The following SIX1 variants were observed in gnomAD, a reference collection of about 807,000 sequenced individuals.
SIX1 encodes the protein homeobox protein SIX1.
Under a neutral mutation model 26.5 loss-of-function variants are expected in SIX1, and 11 were observed. The ratio of observed to expected loss-of-function variants is 0.41; its 90% CI spans 0.26 to 0.69. SIX1 has a LOEUF of 0.69. Ranked by LOEUF, SIX1 falls within the 30% of genes least tolerant of loss-of-function variation. The pLI is 0.28. For missense variants in SIX1, 333 were observed against 365.9 expected (o/e 0.91, Z 0.73); for synonymous variants, 177 against 166.2 (o/e 1.06, Z -0.50).
rs886050572 is a variant in SIX1, at chr14:60,649,273, G to C, written c.-84C>G. 48 of 1,298,790 alleles carry C rather than the reference G, an allele frequency of 3.7e-5. No individual in the cohort carries two copies. The highest frequency in any genetic ancestry group is 1.0e-4 in the African/African-American group (7 of 68,718). The allele number at this position is 1,298,790 out of a possible 1,614,324, so 80.5% of individuals were successfully genotyped here. ...GGCAGGGGGCGGCGGCCGCAGGGAG[G>C]GGGGCGCGGCTGTTCCTAACCTCCT... On this transcript the variant is annotated 5_prime_UTR_variant, in exon 1 of 2. Transcript: ENST00000645694. The surrounding 1 kb of genome is among the most constrained non-coding windows in gnomAD (Gnocchi z 5.1).
In SIX1 at chr14:60,647,560, T is replaced by C. The variant is rs1447881019; in HGVS notation, c.561-983A>G. Among the ~76,000 whole-genome samples the C allele has an allele frequency of 1.3e-5, 2 of 152,136 alleles. No homozygotes were observed. The highest frequency in any genetic ancestry group is 2.9e-5 in the Non-Finnish European group (2 of 68,016). On this transcript the variant is annotated intron_variant, in intron 1 of 1. Coordinates refer to ENST00000645694, the MANE Select transcript of SIX1 (RefSeq NM_005982.4). The surrounding 1 kb of genome is among the most constrained non-coding windows in gnomAD (Gnocchi z 5.1). ...CCTTTCTTTCCCCTTATCCTCACAG[T>C]CTCTGTCTCCCGACAAGCCCATTTC...
At position 60,649,436 on chromosome 14, in the gene SIX1, C is replaced by T. The variant is rs987267843; in HGVS notation, c.-247G>A. 4.6e-6 allele frequency: 2 copies of T among 438,096 alleles called. No individual in the cohort carries two copies. Among genetic ancestry groups the T allele is most frequent in the Admixed American group, 4.1e-5 (1 of 24,682 alleles). The allele number at this position is 438,096 out of a possible 1,614,324, so 27.1% of individuals were successfully genotyped here. A position where few individuals can be genotyped will look rare whatever the true frequency, so the allele number is the denominator to read the frequency against. On this transcript the variant is annotated 5_prime_UTR_variant, in exon 1 of 2. Coordinates refer to ENST00000645694, the MANE Select transcript of SIX1 (RefSeq NM_005982.4). The surrounding 1 kb of genome is among the most constrained non-coding windows in gnomAD (Gnocchi z 5.1). ...GTAGCCTTTAAGGCCTTGCTGCCTC[C>T]GACCTCCCGCCCGGTGGATGCTGCT...
In SIX1 at chr14:60,648,064, T is replaced by C. The variant is rs117387493; in HGVS notation, c.560+566A>G. 5.7e-3 allele frequency among the ~76,000 whole-genome samples: 867 copies of C among 152,322 alleles called. 7 individuals are homozygous for C. Among genetic ancestry groups the C allele is most frequent in the South Asian group, 0.023 (109 of 4,828 alleles). On this transcript the variant is annotated intron_variant, in intron 1 of 1. Transcript: ENST00000645694. This position sits in a 1 kb window ranked among gnomAD's most constrained non-coding sequence, Gnocchi z 7.9. ...CCAACTCTCCCCAAAGCTCTCTTTT[T>C]GTTGTATCTTTAAAAGTCTCCTCCA...
chr14:60,649,455 T>C lies in SIX1; in HGVS notation c.-266A>G. The C allele has an allele frequency of 4.9e-6, 2 of 408,760 alleles. No homozygotes were observed. Among genetic ancestry groups the C allele is most frequent in the Non-Finnish European group, 8.7e-6 (2 of 229,410 alleles). 25.3% of individuals were successfully genotyped at this position (408,760 alleles called of 1,614,324 possible). On this transcript the variant is annotated 5_prime_UTR_variant, in exon 1 of 2. Coordinates refer to ENST00000645694, the MANE Select transcript of SIX1 (RefSeq NM_005982.4). This position sits in a 1 kb window ranked among gnomAD's most constrained non-coding sequence, Gnocchi z 5.1. ...TGCCTCCGACCTCCCGCCCGGTGGA[T>C]GCTGCTAGTTGCCGGGGAACTTGGT...
In SIX1 at chr14:60,646,149, C is replaced by T; in HGVS notation, c.*134G>A. On this transcript the variant is annotated 3_prime_UTR_variant, in exon 2 of 2. Transcript: ENST00000645694. The stretch of plus-strand genomic sequence containing the variant: ...TTTTTAAAAAGATATTTGTGAAAGT[C>T]CACCATTCCTTTATGCGCAAACAAC... 1.2e-5 allele frequency: 9 copies of T among 764,292 alleles called. No homozygotes were observed. The highest frequency in any genetic ancestry group is 1.9e-5 in the Non-Finnish European group (9 of 485,456). The allele number at this position is 764,292 out of a possible 1,614,324, so 47.3% of individuals were successfully genotyped here.
rs571997198 is a variant in SIX1, at chr14:60,646,448, C to G, written c.690G>C (p.Ser230=). 8.7e-6 allele frequency: 14 copies of G among 1,613,916 alleles called. 1 individual carries two copies. The Admixed American group carries it at 2.2e-4, about 25-fold the overall frequency. Residue 230 remains serine (S), a synonymous_variant, in exon 2 of 2, where the codon TCG becomes TCC. Coordinates refer to ENST00000645694, the MANE Select transcript of SIX1 (RefSeq NM_005982.4). ...FSPPQSPDQN[S]VLLLQGNMGH... ...CCATATTGCCCTGCAGCAGAAGGAC[C>G]GAGTTCTGGTCTGGACTTTGGGGAG...
At position 60,649,351 on chromosome 14, in the gene SIX1, CAAGG is replaced by C; in HGVS notation, c.-166_-163del. 1 of 634,422 alleles carries C rather than the reference CAAGG, an allele frequency of 1.6e-6. No individual in the cohort carries two copies. The highest frequency in any genetic ancestry group is 2.7e-6 in the Non-Finnish European group (1 of 367,434). 39.3% of individuals were successfully genotyped at this position (634,422 alleles called of 1,614,324 possible). On this transcript the variant is annotated 5_prime_UTR_variant, in exon 1 of 2. Transcript: ENST00000645694. The surrounding 1 kb of genome is among the most constrained non-coding windows in gnomAD (Gnocchi z 5.1). ...GAGTCGGAACTTGGCGGTGGGCGGC[CAAGG>C]AAGAGAAGGCGGAGGAGTAGGGGAG...
rs918862160 is a variant in SIX1, at chr14:60,646,449, G to A, written c.689C>T (p.Ser230Leu). The A allele has an allele frequency of 1.2e-6, 2 of 1,614,078 alleles. No homozygotes were observed. Among genetic ancestry groups the A allele is most frequent in the Non-Finnish European group, 1.7e-6 (2 of 1,180,014 alleles). ...FSPPQSPDQN[S>L]VLLLQGNMGH... is the part of the protein sequence containing the mutation. The stretch of plus-strand genomic sequence containing the variant: ...CATATTGCCCTGCAGCAGAAGGACC[G>A]AGTTCTGGTCTGGACTTTGGGGAGG... The change falls in exon 2 of 2, where the codon TCG becomes TTG. Residue 230 changes from serine (S) to leucine (L), a missense_variant. Physicochemically the swap from Ser to Leu is moderately radical, Grantham distance 145 (BLOSUM62 -2). This residue lies in a region of SIX1 where 199 missense variants were observed against 215.2 expected (regional missense o/e 0.92). Transcript: ENST00000645694.
At chr14:60,646,662 A>ACCCCACC in intron 1 of SIX1, 85 bp from the exon 2 acceptor site, 1 of 1,221,892 alleles carries the variant, frequency 8.2e-7, no homozygotes, top group Non-Finnish European at 1.1e-6. Flanking sequence ...AGATGGAGGG[A>ACCCCACC]GGGGAGCTGG....
In SIX1 at chr14:60,644,424, C is replaced by T. The variant is rs1193540468; in HGVS notation, c.*1859G>A. 1 of 152,154 alleles carries T rather than the reference C, an allele frequency of 6.6e-6. No homozygotes were observed. Among genetic ancestry groups the T allele is most frequent in the Non-Finnish European group, 1.5e-5 (1 of 68,046 alleles). The allele number at this position is 152,154 out of a possible 1,614,324, so 9.4% of individuals were successfully genotyped here. A position where few individuals can be genotyped will look rare whatever the true frequency, so the allele number is the denominator to read the frequency against. On this transcript the variant is annotated 3_prime_UTR_variant, in exon 2 of 2. Coordinates refer to ENST00000645694, the MANE Select transcript of SIX1 (RefSeq NM_005982.4). Reference sequence around the variant, plus strand: ...GTCCATCACTGAGGGGGAAAAACGACTTTATAAGTAAAAGTGTGTACAGTT... The same window carrying T: ...GTCCATCACTGAGGGGGAAAAACGATTTTATAAGTAAAAGTGTGTACAGTT...
chr14:60,646,835 T>G (rs979580071), intron 1 of SIX1, among the ~76,000 whole-genome samples: 3 of 152,158 alleles, frequency 2.0e-5, no homozygotes, highest in Non-Finnish European at 2.9e-5. Context: ...TCCTTTTCTC[T>G]TCCAGATTTC....
At position 60,648,863 on chromosome 14, in the gene SIX1, A is replaced by G. The variant is rs1824541151; in HGVS notation, c.327T>C (p.Tyr109=). The G allele has an allele frequency of 1.2e-6, 2 of 1,614,138 alleles. No homozygotes were observed. The highest frequency in any genetic ancestry group is 1.7e-6 in the Non-Finnish European group (2 of 1,180,020). ...RGRPLGAVGK[Y]RVRRKFPLPR... ...GCAGTGGAAATTTTCGGCGCACCCGATATTTGCCCACGGCGCCCAGGGGTC... is the reference window on the plus strand; with the variant it reads ...GCAGTGGAAATTTTCGGCGCACCCGGTATTTGCCCACGGCGCCCAGGGGTC... Residue 109 remains tyrosine (Y), a synonymous_variant, in exon 1 of 2, where the codon TAT becomes TAC. Coordinates refer to ENST00000645694, the MANE Select transcript of SIX1 (RefSeq NM_005982.4). This position sits in a 1 kb window ranked among gnomAD's most constrained non-coding sequence, Gnocchi z 7.9.
chr14:60,649,010 G>C lies in SIX1; in HGVS notation c.180C>G (p.Arg60=), dbSNP rs781519092. ...TCTTGTAGAGCTCACGGAAGTTGCC[G>C]CGGTGGAAGGCGACCACCGCCTTGG... The part of the protein sequence containing the change: ...LKAKAVVAFH[R]GNFRELYKIL... The change falls in exon 1 of 2, where the codon CGC becomes CGG. Residue 60 remains arginine (R), a synonymous_variant. Transcript: ENST00000645694. This position sits in a 1 kb window ranked among gnomAD's most constrained non-coding sequence, Gnocchi z 5.1. The C allele has an allele frequency of 1.9e-4, 311 of 1,613,814 alleles. 1 individual carries two copies. The East Asian group carries it at 6.2e-3, about 32-fold the overall frequency.
In SIX1 at chr14:60,648,596, G is replaced by C. The variant is rs772099930; in HGVS notation, c.560+34C>G. On this transcript the variant is annotated intron_variant, in intron 1 of 1. Coordinates refer to ENST00000645694, the MANE Select transcript of SIX1 (RefSeq NM_005982.4). The surrounding 1 kb of genome is among the most constrained non-coding windows in gnomAD (Gnocchi z 7.9). ...GCGGAGGAGAAAGGACGGCTTCCTA[G>C]GGTCGCCCGAGTCGCGGGAAGCACG... 3.8e-6 allele frequency: 6 copies of C among 1,579,568 alleles called. No individual in the cohort carries two copies. In the African/African-American group the frequency reaches 8.1e-5, roughly 21 times the overall value.
Position 60,646,535 on chromosome 14 carries a change from G to C in SIX1, c.603C>G (p.Asn201Lys), listed in dbSNP as rs756406449. Residue 201 changes from asparagine (N) to lysine (K), a missense_variant, in exon 2 of 2, where the codon AAC becomes AAG. Asn to Lys is a moderately conservative substitution (Grantham distance 94, BLOSUM62 0). Coordinates refer to ENST00000645694, the MANE Select transcript of SIX1 (RefSeq NM_005982.4). Reference protein sequence around the residue: ...ENNNSSSNKQNQLSPLEGGKP... With the variant: ...ENNNSSSNKQKQLSPLEGGKP... Reference sequence around the variant, plus strand: ...TGCCCCCTTCCAGAGGAGAGAGTTGGTTCTGCTTGTTGGAGGAGGAGTTAT... The same window carrying C: ...TGCCCCCTTCCAGAGGAGAGAGTTGCTTCTGCTTGTTGGAGGAGGAGTTAT... The C allele has an allele frequency of 1.5e-5, 24 of 1,611,878 alleles. No individual in the cohort carries two copies. In the South Asian group the frequency reaches 2.1e-4, roughly 14 times the overall value.
At chr14:60,646,655 T>C in intron 1 of SIX1, 78 bp from the exon 2 acceptor site, 1 of 1,248,744 alleles carries the variant, frequency 8.0e-7, no homozygotes, top group South Asian at 1.4e-5. Context: ...AAGTGTGAGA[T>C]GGAGGGAGGG....
In SIX1 at chr14:60,649,212, C is replaced by A. The variant is rs2140241569; in HGVS notation, c.-23G>T. On this transcript the variant is annotated 5_prime_UTR_variant, in exon 1 of 2. Coordinates refer to ENST00000645694, the MANE Select transcript of SIX1 (RefSeq NM_005982.4). The surrounding 1 kb of genome is among the most constrained non-coding windows in gnomAD (Gnocchi z 5.1). ...CATGGCTGGGGCCTGCCGGGGCGCA[C>A]GGCCCAGGCGCACGCGGCAGGGAGC... The A allele has an allele frequency of 6.3e-7, 1 of 1,598,604 alleles. No individual in the cohort carries two copies. Among genetic ancestry groups the A allele is most frequent in the East Asian group, 2.2e-5 (1 of 44,792 alleles).
At chr14:60,646,626 A>T in intron 1 of SIX1, 49 bp from the exon 2 acceptor site, 1 of 1,436,218 alleles carries the variant, frequency 7.0e-7, no homozygotes, top group Non-Finnish European at 9.4e-7. Flanking sequence ...AAAAAAAAAA[A>T]AAAAGTAGGT....
Position 60,649,251 on chromosome 14 carries a change from A to G in SIX1, c.-62T>C, listed in dbSNP as rs1485609363. 2 of 1,509,238 alleles carry G rather than the reference A, an allele frequency of 1.3e-6. No individual in the cohort carries two copies. Among genetic ancestry groups the G allele is most frequent in the African/African-American group, 1.4e-5 (1 of 72,958 alleles). The allele number at this position is 1,509,238 out of a possible 1,614,324, so 93.5% of individuals were successfully genotyped here. ...GCGGCAGGGAGCAGAGCCGAGAGGCAGGGGGCGGCGGCCGCAGGGAGGGGG... is the reference window on the plus strand; with the variant it reads ...GCGGCAGGGAGCAGAGCCGAGAGGCGGGGGGCGGCGGCCGCAGGGAGGGGG... On this transcript the variant is annotated 5_prime_UTR_variant, in exon 1 of 2. Coordinates refer to ENST00000645694, the MANE Select transcript of SIX1 (RefSeq NM_005982.4). This position sits in a 1 kb window ranked among gnomAD's most constrained non-coding sequence, Gnocchi z 5.1.
Sources: gnomAD v4.1 joint callset for allele counts (sites outside exome capture counted in the v4.1 genomes callset) on GRCh38, gnomAD v4.1.1 for gene constraint, gnomAD v4.1.1 regional missense constraint, Gnocchi (gnomAD v3.1) non-coding constraint, MANE v1.5 for transcripts, NCBI Gene and HGNC (gene_info 2026-07-23, HGNC 2026-07-21) for gene names.